Variants in CA12 observed in about 807,000 individuals in gnomAD.
CA12 encodes carbonic anhydrase 12.
In CA12, 36 loss-of-function variants were observed where a neutral mutation model predicts 46.8. The observed-to-expected ratio is 0.77, with a 90% CI of 0.59 to 1.02. CA12 has a LOEUF of 1.02. Ranked by LOEUF, CA12 falls within the 50% of genes least tolerant of loss-of-function variation. CA12 has a pLI of 0.00. For synonymous variants in CA12, 202 were observed against 187.0 expected (o/e 1.08, Z -0.65); for missense variants, 436 against 451.4 (o/e 0.97, Z 0.31).
intron 2 of CA12, among the ~76,000 whole-genome samples, chr15:63,350,665 C>T (rs774934144): frequency 1.2e-4 from 18 of 152,186 alleles, no homozygotes; most frequent in Non-Finnish European, 1.9e-4. Context: ...CATGGCACAG[C>T]TCAAAATGCC....
intron 2 of CA12, among the ~76,000 whole-genome samples, chr15:63,353,907 G>C (rs1008191282): frequency 6.6e-6 from 1 of 152,204 alleles, no homozygotes; most frequent in African/African-American, 2.4e-5. Context: ...GTTCACTTCT[G>C]AAGCTGATTA....
intron 2 of CA12, among the ~76,000 whole-genome samples, chr15:63,367,267 C>T (rs2039448519): frequency 6.6e-6 from 1 of 152,216 alleles, no homozygotes; most frequent in African/African-American, 2.4e-5. Flanking sequence ...TAGACATTTG[C>T]TCAAGTTGGA....
Position 63,334,077 on chromosome 15 carries a change from T to G in CA12, c.874+4742A>C, listed in dbSNP as rs1272618242. On this transcript the variant is annotated intron_variant, in intron 8 of 10. Transcript: ENST00000178638. ...GGCCAAAGCCCTAAGCCTGAGCCCC[T>G]GTGATGTCCCCCTGCCTCTGCCGTC... Among the ~76,000 whole-genome samples, 3 of 152,018 alleles carry G rather than the reference T, an allele frequency of 2.0e-5. No homozygotes were observed. In the East Asian group the frequency reaches 5.8e-4, roughly 29 times the overall value.
intron 2 of CA12, among the ~76,000 whole-genome samples, chr15:63,367,692 G>A (rs2039453736): frequency 6.6e-6 from 1 of 152,170 alleles, no homozygotes; most frequent in Non-Finnish European, 1.5e-5. Context: ...GTTAAAATGA[G>A]CTAAGTGATC....
chr15:63,337,674 C>T (rs1487569854), intron 8 of CA12, among the ~76,000 whole-genome samples: 2 of 152,142 alleles, frequency 1.3e-5, no homozygotes, highest in Non-Finnish European at 2.9e-5. Context: ...TCCGGCTGGT[C>T]TCGAAATCCT....
intron 2 of CA12, among the ~76,000 whole-genome samples, chr15:63,370,453 A>AT (rs1317388087): frequency 6.7e-6 from 1 of 149,612 alleles, no homozygotes; most frequent in Non-Finnish European, 1.5e-5. Flanking sequence ...AAAAAAAAAA[A>AT]AAAAAGAAAA....
chr15:63,359,928 T>C (rs2039340589), intron 2 of CA12, among the ~76,000 whole-genome samples: 2 of 152,182 alleles, frequency 1.3e-5, no homozygotes, highest in Non-Finnish European at 2.9e-5. Context: ...CTGAAAGTTC[T>C]TCAGTGGCTC....
At chr15:63,346,975 A>G (rs1355452268) in intron 2 of CA12, among the ~76,000 whole-genome samples, 1 of 152,098 alleles carries the variant, frequency 6.6e-6, no homozygotes, top group Non-Finnish European at 1.5e-5. Context: ...TATTTTGTAC[A>G]TTGTTCCTGT....
Position 63,348,251 on chromosome 15 carries a change from C to T in CA12, c.107-1542G>A, listed in dbSNP as rs1426467024. 1.3e-5 allele frequency among the ~76,000 whole-genome samples: 2 copies of T among 152,178 alleles called. No homozygotes were observed. The highest frequency in any genetic ancestry group is 4.8e-5 in the African/African-American group (2 of 41,430). On this transcript the variant is annotated intron_variant, in intron 2 of 10. Transcript: ENST00000178638. This position sits in a 1 kb window ranked among gnomAD's most constrained non-coding sequence, Gnocchi z 4.6. ...CTTTCACTGGACACCAGTCTTCTCA[C>T]TTGGGCATGGCAGAGTCTCCGCTGA...
rs931744053 is a variant in CA12, at chr15:63,345,690, C to A, written c.287-71G>T. 2 of 1,549,408 alleles carry A rather than the reference C, an allele frequency of 1.3e-6. No individual in the cohort carries two copies. ...CACTGCCAGAGAGCAGTCAGGTAGG[C>A]AATGCTCCCTCCACCCCTGCTGCCA... On this transcript the variant is annotated intron_variant, in intron 3 of 10. Transcript: ENST00000178638. The surrounding 1 kb of genome is among the most constrained non-coding windows in gnomAD (Gnocchi z 4.3).
chr15:63,364,346 A>AAAAAAAAAAAAAC (rs1555431593), intron 2 of CA12, among the ~76,000 whole-genome samples: 1 of 146,888 alleles, frequency 6.8e-6, no homozygotes, highest in Non-Finnish European at 1.5e-5. Context: ...AAAAAAAAAA[A>AAAAAAAAAAAAAC]AAAAAAAAAC....
At chr15:63,365,083 G>C (rs2039421031) in intron 2 of CA12, among the ~76,000 whole-genome samples, 1 of 152,174 alleles carries the variant, frequency 6.6e-6, no homozygotes, top group South Asian at 2.1e-4. Context: ...AGAGTTCTGG[G>C]ATTACAGGCA....
At position 63,328,796 on chromosome 15, in the gene CA12, G is replaced by A. The variant is rs146892245; in HGVS notation, c.875-666C>T. On this transcript the variant is annotated intron_variant, in intron 8 of 10. Transcript: ENST00000178638. The surrounding 1 kb of genome is among the most constrained non-coding windows in gnomAD (Gnocchi z 5.9). ...GCTCACTGCAACCTCCACCTCCTGG[G>A]TTCAAGCAATTCTCATGCCTCAGCC... Among the ~76,000 whole-genome samples the A allele has an allele frequency of 1.3e-3, 203 of 152,288 alleles. No homozygotes were observed. Among genetic ancestry groups the A allele is most frequent in the African/African-American group, 4.6e-3 (192 of 41,546 alleles).
rs2038909086 is a variant in CA12, at chr15:63,329,484, C to G, written c.875-1354G>C. Among the ~76,000 whole-genome samples, 1 of 152,178 alleles carries G rather than the reference C, an allele frequency of 6.6e-6. No individual in the cohort carries two copies. The highest frequency in any genetic ancestry group is 2.4e-5 in the African/African-American group (1 of 41,434). ...TTTCCAAGGTTCCCACAGCCATTCC[C>G]CATTCTCCTAATCAGGTCCTTTGTC... On this transcript the variant is annotated intron_variant, in intron 8 of 10. Transcript: ENST00000178638. The surrounding 1 kb of genome is among the most constrained non-coding windows in gnomAD (Gnocchi z 4.8).
chr15:63,360,663 A>T (rs34588257), intron 2 of CA12, among the ~76,000 whole-genome samples: 7,755 of 152,208 alleles, frequency 0.051, 378 homozygotes, highest in East Asian at 0.24. Context: ...ACCCATGCAC[A>T]TAAATACTCA....
Position 63,326,250 on chromosome 15 carries a change from G to T in CA12, c.*35C>A. 6.4e-7 allele frequency: 1 copy of T among 1,560,170 alleles called. No homozygotes were observed. The highest frequency in any genetic ancestry group is 8.8e-7 in the Non-Finnish European group (1 of 1,130,928). On this transcript the variant is annotated 3_prime_UTR_variant, in exon 11 of 11. Transcript: ENST00000178638. Reference sequence around the variant, plus strand: ...CGAAGTGTGTAGGGTCCAAAGCAAGGTCCTTCCTGGATGTGCCCGGGAGCT... The same window carrying T: ...CGAAGTGTGTAGGGTCCAAAGCAAGTTCCTTCCTGGATGTGCCCGGGAGCT...
intron 1 of CA12, 128 bp downstream of exon 1, chr15:63,381,508 T>C (rs2039644641): frequency 3.8e-6 from 3 of 781,616 alleles, no homozygotes; most frequent in Non-Finnish European, 6.4e-6. Context: ...TTCTTGAGAA[T>C]CTACTATTTG....
At chr15:63,353,757 G>C (rs114003200) in intron 2 of CA12, among the ~76,000 whole-genome samples, 261 of 152,238 alleles carry the variant, frequency 1.7e-3, no homozygotes, top group African/African-American at 5.9e-3. Flanking sequence ...ATATTGCCCA[G>C]GCTGGTCTCA....
chr15:63,369,545 C>T (rs1054564453), intron 2 of CA12, among the ~76,000 whole-genome samples: 2 of 152,182 alleles, frequency 1.3e-5, no homozygotes, highest in Admixed American at 1.3e-4. Flanking sequence ...TTCTGGGCCC[C>T]GCCCCCCAGA....
Sources: gnomAD v4.1 joint callset for allele counts (sites outside exome capture counted in the v4.1 genomes callset) on GRCh38, gnomAD v4.1.1 for gene constraint, Gnocchi (gnomAD v3.1) non-coding constraint, MANE v1.5 for transcripts, NCBI Gene and HGNC (gene_info 2026-07-23, HGNC 2026-07-21) for gene names.